COA7: variants seen among roughly 807,000 people sequenced by gnomAD.
COA7 encodes the protein Sel1 repeat containing 1.
Under a neutral mutation model 21.0 loss-of-function variants are expected in COA7, and 12 were observed. That is an observed-to-expected ratio of 0.57 (90% CI 0.37 to 0.92). The LOEUF (loss-of-function observed/expected upper bound fraction) is 0.92. Ranked by LOEUF, COA7 falls within the 40% of genes least tolerant of loss-of-function variation. The pLI is 0.01. For synonymous variants in COA7, 95 were observed against 107.4 expected (o/e 0.88, Z 0.72); for missense variants, 240 against 286.1 (o/e 0.84, Z 1.16).
chr1:52,690,251 C>CATGG (rs1159569020), intron 2 of COA7, among the ~76,000 whole-genome samples: 2 of 151,968 alleles, frequency 1.3e-5, no homozygotes, highest in East Asian at 3.9e-4. Context: ...GTGTGCAAAA[C>CATGG]TTCAAATCTC....
chr1:52,694,409 G>A (rs537652993), intron 1 of COA7, among the ~76,000 whole-genome samples: 184 of 143,242 alleles, frequency 1.3e-3, no homozygotes, highest in African/African-American at 4.5e-3. Context: ...GCGGTGAGCC[G>A]AGATAGCGCC....
intron 2 of COA7, 27 bp downstream of exon 2, chr1:52,692,700 A>T (rs1644056299): frequency 6.2e-7 from 1 of 1,613,668 alleles, no homozygotes; most frequent in African/African-American, 1.3e-5. Flanking sequence ...ATCAATGACA[A>T]GGACCCAAAA....
chr1:52,687,753 CT>C lies in COA7; in HGVS notation c.662del (p.Gln221ArgfsTer8). On this transcript the variant is annotated frameshift_variant, in exon 3 of 3. Coordinates refer to ENST00000371538, the MANE Select transcript of COA7 (RefSeq NM_023077.3). LOFTEE classifies it high-confidence loss of function. ...KNRAQQLHKE[Q>X]QKGVQPLTFG is the part of the protein sequence containing the mutation. The stretch of plus-strand genomic sequence containing the variant: ...ATGTTAAGGGTTGGACACCTTTCTG[CT>C]GTTCTTTGTGTAGCTGCTGGGCTCG... 1 of 1,614,246 alleles carries C rather than the reference CT, an allele frequency of 6.2e-7. No homozygotes were observed. The highest frequency in any genetic ancestry group is 1.1e-5 in the South Asian group (1 of 91,090).
chr1:52,687,700 G>C lies in COA7; in HGVS notation c.*20C>G. The C allele has an allele frequency of 2.5e-6, 4 of 1,603,644 alleles. No individual in the cohort carries two copies. The highest frequency in any genetic ancestry group is 3.4e-6 in the Non-Finnish European group (4 of 1,172,198). ...GCCAGCCTCAAGCAGTTTGTTGCCTGGGAGGGAGGGTGGACCACATTACCC... is the reference window on the plus strand; with the variant it reads ...GCCAGCCTCAAGCAGTTTGTTGCCTCGGAGGGAGGGTGGACCACATTACCC... On this transcript the variant is annotated 3_prime_UTR_variant, in exon 3 of 3. Coordinates refer to ENST00000371538, the MANE Select transcript of COA7 (RefSeq NM_023077.3).
At position 52,698,288 on chromosome 1, in the gene COA7, G is replaced by A; in HGVS notation, c.39C>T (p.Val13=). The A allele has an allele frequency of 1.2e-6, 2 of 1,612,734 alleles. No individual in the cohort carries two copies. Among genetic ancestry groups the A allele is most frequent in the Admixed American group, 1.7e-5 (1 of 60,008 alleles). The change falls in exon 1 of 3, where the codon GTC becomes GTT. Residue 13 remains valine (V), a synonymous_variant. Coordinates refer to ENST00000371538, the MANE Select transcript of COA7 (RefSeq NM_023077.3). ...CCTCCATGTTCTCCAAAAAGGACTT[G>A]ACCTGCTCCTCATCCTGGAAGTCCA... is the stretch of plus-strand genomic sequence containing the variant. ...GMVDFQDEEQ[V]KSFLENMEVE...
rs1644001444 is a variant in COA7, at chr1:52,686,195, T to C, written c.*1525A>G. The C allele has an allele frequency of 2.0e-5, 3 of 152,034 alleles. No homozygotes were observed. The highest frequency in any genetic ancestry group is 6.6e-5 in the Admixed American group (1 of 15,248). 9.4% of individuals were successfully genotyped at this position (152,034 alleles called of 1,614,324 possible). A position where few individuals can be genotyped will look rare whatever the true frequency, so the allele number is the denominator to read the frequency against. ...CTAGTTTAAGCACACCAAAAGCTAC[T>C]TTACATTTTTAAAAAGTGAATTTGA... On this transcript the variant is annotated 3_prime_UTR_variant, in exon 3 of 3. Transcript: ENST00000371538.
intron 2 of COA7, among the ~76,000 whole-genome samples, chr1:52,689,340 G>C (rs1206286143): frequency 6.6e-6 from 1 of 151,296 alleles, no homozygotes. Context: ...GTTTTCAGTA[G>C]AGACGGGGTT....
At position 52,686,098 on chromosome 1, in the gene COA7, T is replaced by C. The variant is rs186021806; in HGVS notation, c.*1622A>G. The C allele has an allele frequency of 6.6e-6, 1 of 152,236 alleles. No individual in the cohort carries two copies. Among genetic ancestry groups the C allele is most frequent in the East Asian group, 1.9e-4 (1 of 5,170 alleles). 9.4% of individuals were successfully genotyped at this position (152,236 alleles called of 1,614,324 possible). On this transcript the variant is annotated 3_prime_UTR_variant, in exon 3 of 3. Coordinates refer to ENST00000371538, the MANE Select transcript of COA7 (RefSeq NM_023077.3). Reference sequence around the variant, plus strand: ...CCAGGCTGATCTCGAACTCCTGACCTCAAGTGATCCACCTGCCTTGGCCTC... The same window carrying C: ...CCAGGCTGATCTCGAACTCCTGACCCCAAGTGATCCACCTGCCTTGGCCTC...
rs1187484857 is a variant in COA7, at chr1:52,684,712, T to C, written c.*3008A>G. On this transcript the variant is annotated 3_prime_UTR_variant, in exon 3 of 3. Transcript: ENST00000371538. ...GGTTGGACATATGTACAATGACAGG[T>C]ATTTATAATTATAGTATCATACAGA... is the stretch of plus-strand genomic sequence containing the variant. 2 of 152,142 alleles carry C rather than the reference T, an allele frequency of 1.3e-5. No individual in the cohort carries two copies. Among genetic ancestry groups the C allele is most frequent in the Admixed American group, 6.6e-5 (1 of 15,264 alleles). 9.4% of individuals were successfully genotyped at this position (152,142 alleles called of 1,614,324 possible). A position where few individuals can be genotyped will look rare whatever the true frequency, so the allele number is the denominator to read the frequency against.
intron 2 of COA7, among the ~76,000 whole-genome samples, chr1:52,689,209 G>C (rs1371100318): frequency 6.6e-6 from 1 of 150,856 alleles, no homozygotes; most frequent in Non-Finnish European, 1.5e-5. Flanking sequence ...AGGCTGGAGT[G>C]CAGTGGCGTG....
At chr1:52,692,941 T>C in intron 1 of COA7, 74 bp from the exon 2 acceptor site, 1 of 1,537,534 alleles carries the variant, frequency 6.5e-7, no homozygotes, top group Non-Finnish European at 8.9e-7. Flanking sequence ...GGGTAGGGGG[T>C]GCCCAGGTGT....
intron 2 of COA7, among the ~76,000 whole-genome samples, chr1:52,691,030 A>G (rs969608091): frequency 2.0e-5 from 3 of 151,706 alleles, no homozygotes; most frequent in Non-Finnish European, 2.9e-5. Context: ...GAATCACTTG[A>G]GCCAGGGGGT....
chr1:52,689,313 G>A (rs1644027430), intron 2 of COA7, among the ~76,000 whole-genome samples: 2 of 150,954 alleles, frequency 1.3e-5, no homozygotes, highest in South Asian at 2.1e-4. Flanking sequence ...ATGCCACCAC[G>A]CCAGGCTAAT....
At chr1:52,695,421 C>T (rs1279428536) in intron 1 of COA7, among the ~76,000 whole-genome samples, 1 of 151,676 alleles carries the variant, frequency 6.6e-6, no homozygotes, top group Non-Finnish European at 1.5e-5. Context: ...GCTGAGATTG[C>T]ACCACTGCAC....
chr1:52,687,392 T>G lies in COA7; in HGVS notation c.*328A>C, dbSNP rs1190759074. ...CCTACTACCAATCTCCAGGGCTCTC[T>G]AGTTTGCTCCTATTTTTCACAGAGT... is the stretch of plus-strand genomic sequence containing the variant. On this transcript the variant is annotated 3_prime_UTR_variant, in exon 3 of 3. Coordinates refer to ENST00000371538, the MANE Select transcript of COA7 (RefSeq NM_023077.3). The G allele has an allele frequency of 1.1e-5, 3 of 284,072 alleles. No homozygotes were observed. The allele number at this position is 284,072 out of a possible 1,614,324, so 17.6% of individuals were successfully genotyped here.
At chr1:52,693,574 C>G (rs1169429054) in intron 1 of COA7, among the ~76,000 whole-genome samples, 1 of 149,772 alleles carries the variant, frequency 6.7e-6, no homozygotes, top group Non-Finnish European at 1.5e-5. Context: ...CCACTGCACT[C>G]CAGCCTGGGT....
In COA7 at chr1:52,692,862, A is replaced by G. The variant is rs145184229; in HGVS notation, c.112T>C (p.Tyr38His). 2.5e-5 allele frequency: 40 copies of G among 1,614,168 alleles called. No homozygotes were observed. In the African/African-American group the frequency reaches 4.8e-4, roughly 19 times the overall value. The change falls in exon 2 of 3, where the codon TAT becomes CAT. Residue 38 changes from tyrosine (Y) to histidine (H), a missense_variant. Tyr to His is a moderately conservative substitution (Grantham distance 83). This residue lies in a region of COA7 where 71 missense variants were observed against 54.7 expected (regional missense o/e 1.30). Transcript: ENST00000371538. Reference protein sequence around the residue: ...CYHEKDPDGCYRLVDYLEGIR... With the variant: ...CYHEKDPDGCHRLVDYLEGIR... ...CCTTCCAAATAGTCCACCAGCCGAT[A>G]GCAACCTGCGAGAAGAGGGCAAGGG...
At position 52,698,274 on chromosome 1, in the gene COA7, T is replaced by TC; in HGVS notation, c.52dup (p.Glu18GlyfsTer35). 6.2e-7 allele frequency: 1 copy of TC among 1,612,892 alleles called. No homozygotes were observed. The highest frequency in any genetic ancestry group is 8.5e-7 in the Non-Finnish European group (1 of 1,179,832). On this transcript the variant is annotated frameshift_variant, in exon 1 of 3. Transcript: ENST00000371538. LOFTEE classifies it high-confidence loss of function. ...GTAGTTGCACTCCACCTCCATGTTC[T>TC]CCAAAAAGGACTTGACCTGCTCCTC... is the stretch of plus-strand genomic sequence containing the variant.
intron 1 of COA7, among the ~76,000 whole-genome samples, chr1:52,694,042 T>C (rs1363427261): frequency 6.6e-6 from 1 of 152,146 alleles, no homozygotes; most frequent in Non-Finnish European, 1.5e-5. Context: ...TGTCCTCACT[T>C]ATAAGTGGGA....
Sources: gnomAD v4.1 joint callset for allele counts (sites outside exome capture counted in the v4.1 genomes callset) on GRCh38, gnomAD v4.1.1 for gene constraint, gnomAD v4.1.1 regional missense constraint, MANE v1.5 for transcripts, NCBI Gene and HGNC (gene_info 2026-07-23, HGNC 2026-07-21) for gene names.